Variants in NSD1 observed in about 807,000 individuals in gnomAD.
NSD1 encodes histone-lysine N-methyltransferase, H3 lysine-36 specific.
In NSD1, 26 loss-of-function variants were observed where a neutral mutation model predicts 242.7. The ratio of observed to expected loss-of-function variants is 0.11; its 90% CI spans 0.08 to 0.15. The LOEUF (loss-of-function observed/expected upper bound fraction) is 0.15. NSD1 is among the 10% of genes least tolerant of loss of function. NSD1 has a pLI of 1.00. For synonymous variants in NSD1, 1,106 were observed against 1,178.1 expected, an observed-to-expected ratio of 0.94 and a Z score of 1.25; for missense variants, 2,495 against 3,272.8, an observed-to-expected ratio of 0.76 and a Z score of 5.80.
At chr5:177,285,436 C>T (rs374779434) in intron 20 of NSD1, among the ~76,000 whole-genome samples, 2 of 151,424 alleles carry the variant, frequency 1.3e-5, no homozygotes, top group African/African-American at 4.9e-5. Context: ...TGGTGGCAGG[C>T]GCCTGTAGTC....
intron 11 of NSD1, among the ~76,000 whole-genome samples, chr5:177,249,374 C>G (rs2149901223): frequency 6.6e-6 from 1 of 152,134 alleles, no homozygotes; most frequent in African/African-American, 2.4e-5. Context: ...TGTAGCCCAA[C>G]AGGTCAAGAT....
rs201677508 is a variant in NSD1, at chr5:177,295,377, A to T, written c.8009A>T (p.Asp2670Val). Residue 2670 changes from aspartate to valine, a missense_variant, in exon 23 of 23, where the codon GAC (aspartate) becomes GTC (valine). By Grantham distance (152) the Asp-to-Val change is radical. Around this residue, in one of 19 missense-constraint regions of NSD1, gnomAD observed 475 missense variants for 563.7 expected, o/e 0.84. Coordinates refer to ENST00000439151, the MANE Select transcript of NSD1 (RefSeq NM_022455.5). The surrounding 1 kb of genome is among the most constrained non-coding windows in gnomAD (Gnocchi z 4.3). ...QTCWSLGRGQ[D>V]PKPEQNTLPA... is the part of the protein sequence containing the mutation. ...TGCTGGTCTCTTGGAAGAGGGCAAGACCCCAAACCAGAGCAAAATACACTT... is the reference window on the plus strand; with the variant it reads ...TGCTGGTCTCTTGGAAGAGGGCAAGTCCCCAAACCAGAGCAAAATACACTT... The T allele has an allele frequency of 1.9e-6, 3 of 1,614,152 alleles. No homozygotes were observed. The East Asian group carries it at 6.7e-5, about 36-fold the overall frequency.
At chr5:177,268,865 C>T (rs992935754) in intron 15 of NSD1, among the ~76,000 whole-genome samples, 1 of 152,146 alleles carries the variant, frequency 6.6e-6, no homozygotes. Context: ...TATGTAGTCA[C>T]ATAATGTCTA....
chr5:177,247,783 GC>G (rs1230853896), intron 10 of NSD1, among the ~76,000 whole-genome samples: 3 of 152,210 alleles, frequency 2.0e-5, no homozygotes, highest in Non-Finnish European at 4.4e-5. Context: ...AGTCAGGTCA[GC>G]ATCACACATT....
intron 21 of NSD1, among the ~76,000 whole-genome samples, chr5:177,291,033 C>A (rs1759775209): frequency 6.6e-6 from 1 of 152,070 alleles, no homozygotes; most frequent in South Asian, 2.1e-4. Flanking sequence ...ATAGGGTGGA[C>A]CTCCATTAAG....
intron 6 of NSD1, among the ~76,000 whole-genome samples, chr5:177,236,486 AT>A (rs1227133580): frequency 6.6e-6 from 1 of 152,190 alleles, no homozygotes; most frequent in Non-Finnish European, 1.5e-5. Context: ...TTACCTTTGG[AT>A]TATTCATACC....
At chr5:177,144,037 C>T (rs1195750281) in intron 2 of NSD1, among the ~76,000 whole-genome samples, 1 of 152,060 alleles carries the variant, frequency 6.6e-6, no homozygotes, top group Admixed American at 6.6e-5. Flanking sequence ...CCACCTCGGC[C>T]TCCCAAAGTT....
At chr5:177,187,320 G>A (rs746559283) in intron 2 of NSD1, among the ~76,000 whole-genome samples, 1 of 151,916 alleles carries the variant, frequency 6.6e-6, no homozygotes, top group Non-Finnish European at 1.5e-5. Flanking sequence ...TGCCAGGCTG[G>A]TCTTGAACTC....
chr5:177,151,475 GCCTC>G (rs1466821011), intron 2 of NSD1, among the ~76,000 whole-genome samples: 1 of 151,980 alleles, frequency 6.6e-6, no homozygotes, highest in Non-Finnish European at 1.5e-5. Flanking sequence ...TGCAACTTCT[GCCTC>G]CCGGGTTCAA....
chr5:177,214,302 T>C (rs7709642), intron 5 of NSD1, among the ~76,000 whole-genome samples: 5 of 152,190 alleles, frequency 3.3e-5, no homozygotes, highest in South Asian at 2.1e-4. Flanking sequence ...GAGCTGAGAT[T>C]GCGCCACTGC....
At chr5:177,137,726 T>C (rs547712804) in intron 2 of NSD1, among the ~76,000 whole-genome samples, 8 of 152,078 alleles carry the variant, frequency 5.3e-5, no homozygotes, top group Admixed American at 1.3e-4. Context: ...TCTAGAAGCA[T>C]ACAAATAGAA....
chr5:177,233,003 T>G (rs1765173170), intron 5 of NSD1, among the ~76,000 whole-genome samples: 1 of 152,230 alleles, frequency 6.6e-6, no homozygotes, highest in Non-Finnish European at 1.5e-5. Context: ...TAAGCAGGCA[T>G]GTGTAAGTGT....
chr5:177,194,441 C>CTT lies in NSD1; in HGVS notation c.1063+2438_1063+2439dup, dbSNP rs749501540. 1.8e-3 allele frequency among the ~76,000 whole-genome samples: 211 copies of CTT among 118,570 alleles called. 1 individual carries two copies. The highest frequency in any genetic ancestry group is 6.0e-3 in the African/African-American group (193 of 32,194). 77.8% of individuals were successfully genotyped at this position (118,570 alleles called of 152,430 possible). A position where few individuals can be genotyped will look rare whatever the true frequency, so the allele number is the denominator to read the frequency against. ...CACAGACGTGTGCCACCACACATGG[C>CTT]TTTTTTTTTTTTTTTTTGGGTGGAG... On this transcript the variant is annotated intron_variant, in intron 3 of 22. Coordinates refer to ENST00000439151, the MANE Select transcript of NSD1 (RefSeq NM_022455.5).
chr5:177,296,014 G>T lies in NSD1; in HGVS notation c.*555G>T. 1 of 260,884 alleles carries T rather than the reference G, an allele frequency of 3.8e-6. No homozygotes were observed. Among genetic ancestry groups the T allele is most frequent in the Non-Finnish European group, 7.5e-6 (1 of 133,772 alleles). 16.2% of individuals were successfully genotyped at this position (260,884 alleles called of 1,614,324 possible). A position where few individuals can be genotyped will look rare whatever the true frequency, so the allele number is the denominator to read the frequency against. The stretch of plus-strand genomic sequence containing the variant: ...AGGAACCTTTGACCAGGAAGTAACA[G>T]GAAGTTCTGAGGGGCCCTGGGGCTT... On this transcript the variant is annotated 3_prime_UTR_variant, in exon 23 of 23. Coordinates refer to ENST00000439151, the MANE Select transcript of NSD1 (RefSeq NM_022455.5).
At chr5:177,138,990 C>T (rs1756581969) in intron 2 of NSD1, among the ~76,000 whole-genome samples, 1 of 150,070 alleles carries the variant, frequency 6.7e-6, no homozygotes, top group Admixed American at 6.6e-5. Context: ...TGGCTCACGC[C>T]TGTAATCCCA....
At chr5:177,195,608 C>T (rs1025984773) in intron 3 of NSD1, among the ~76,000 whole-genome samples, 3 of 152,170 alleles carry the variant, frequency 2.0e-5, no homozygotes, top group Non-Finnish European at 2.9e-5. Flanking sequence ...GCTGGGGCTA[C>T]AGGCATTCGC....
chr5:177,205,955 C>CTG (rs1762837926), intron 4 of NSD1, among the ~76,000 whole-genome samples: 1 of 152,072 alleles, frequency 6.6e-6, no homozygotes, highest in South Asian at 2.1e-4. Flanking sequence ...TCCCGAGTAG[C>CTG]TGGGACTACA....
intron 2 of NSD1, among the ~76,000 whole-genome samples, chr5:177,162,550 C>G (rs1392477268): frequency 6.6e-6 from 1 of 152,084 alleles, no homozygotes; most frequent in African/African-American, 2.4e-5. Flanking sequence ...CATGTGTCAC[C>G]ATGCTTTTGT....
chr5:177,176,524 T>G (rs1760221006), intron 2 of NSD1, among the ~76,000 whole-genome samples: 1 of 151,970 alleles, frequency 6.6e-6, no homozygotes, highest in African/African-American at 2.4e-5. Context: ...CCTGAACTCC[T>G]GTGCTTAAGC....
Sources: gnomAD v4.1 joint callset for allele counts (sites outside exome capture counted in the v4.1 genomes callset) on GRCh38, gnomAD v4.1.1 for gene constraint, gnomAD v4.1.1 regional missense constraint, Gnocchi (gnomAD v3.1) non-coding constraint, MANE v1.5 for transcripts, NCBI Gene and HGNC (gene_info 2026-07-23, HGNC 2026-07-21) for gene names.